Variants in RIMS1 observed in about 807,000 individuals in gnomAD.
The protein encoded by RIMS1 is regulating synaptic membrane exocytosis protein 1.
Under a neutral mutation model 214.1 loss-of-function variants are expected in RIMS1, and 83 were observed. That is an observed-to-expected ratio of 0.39 (90% confidence interval 0.32 to 0.47). The LOEUF (loss-of-function observed/expected upper bound fraction) is 0.47. Among genes scored for constraint, RIMS1 ranks in the 20% least tolerant of loss-of-function variants. The pLI, the probability that RIMS1 is intolerant of heterozygous loss-of-function variation, is 0.99. For synonymous variants in RIMS1, 793 were observed against 786.8 expected (o/e 1.01, Z -0.13); for missense variants, 2,050 against 2,161.8 (o/e 0.95, Z 1.03).
intron 6 of RIMS1, chr6:72,217,288 T>A (rs779323979): frequency 2.8e-6 from 4 of 1,450,330 alleles, no homozygotes; most frequent in South Asian, 2.5e-5. Context: ...AAAGTTAATG[T>A]AATTTATTGT....
intron 1 of RIMS1, among the ~76,000 whole-genome samples, chr6:71,934,275 G>A (rs1014954891): frequency 4.6e-5 from 7 of 152,276 alleles, no homozygotes; most frequent in Non-Finnish European, 7.4e-5. Context: ...TAGTCAGAGT[G>A]GTTTGAAAAC....
intron 2 of RIMS1, among the ~76,000 whole-genome samples, chr6:72,092,776 G>GCCCT (rs889708402): frequency 6.6e-6 from 1 of 152,082 alleles, no homozygotes; most frequent in African/African-American, 2.4e-5. Context: ...AGAACATGGT[G>GCCCT]CCCTGGTGGC....
At chr6:72,071,704 T>C (rs539529429) in intron 2 of RIMS1, among the ~76,000 whole-genome samples, 1 of 152,228 alleles carries the variant, frequency 6.6e-6, no homozygotes, top group East Asian at 1.9e-4. Context: ...TAAATAGAAG[T>C]ATAGAATATA....
intron 1 of RIMS1, among the ~76,000 whole-genome samples, chr6:71,894,437 C>A (rs1581939290): frequency 1.3e-5 from 2 of 148,956 alleles, no homozygotes; most frequent in South Asian, 4.2e-4. Flanking sequence ...CAGAGTGAGA[C>A]TCTGTCTGAA....
chr6:72,021,773 C>G (rs929728536), intron 2 of RIMS1, among the ~76,000 whole-genome samples: 1 of 152,120 alleles, frequency 6.6e-6, no homozygotes, highest in Non-Finnish European at 1.5e-5. Context: ...GGCTTTCATT[C>G]CCAAGTTTTC....
chr6:71,979,350 G>A (rs1274727853), intron 2 of RIMS1, among the ~76,000 whole-genome samples: 2 of 152,010 alleles, frequency 1.3e-5, no homozygotes, highest in South Asian at 2.1e-4. Flanking sequence ...TACTTGGCTG[G>A]CATATGGAAG....
rs557361050 is a variant in RIMS1, at chr6:72,140,432, TA to T, written c.472-39138del. ...AGGTATTTCAGTACATTTAGAATTT[TA>T]AAAATTCTTTAATATTTTCCCTGGT... is the stretch of plus-strand genomic sequence containing the variant. On this transcript the variant is annotated intron_variant, in intron 4 of 33. Coordinates refer to ENST00000521978, the MANE Select transcript of RIMS1 (RefSeq NM_014989.7). Among the ~76,000 whole-genome samples the T allele has an allele frequency of 5.5e-4, 83 of 152,240 alleles. 1 individual carries two copies. The highest frequency in any genetic ancestry group is 1.7e-3 in the African/African-American group (70 of 41,574).
Position 72,252,767 on chromosome 6 carries a change from A to G in RIMS1, c.2705A>G (p.Gln902Arg). 1.3e-6 allele frequency: 2 copies of G among 1,558,576 alleles called. No individual in the cohort carries two copies. Among genetic ancestry groups the G allele is most frequent in the Non-Finnish European group, 1.7e-6 (2 of 1,149,946 alleles). Residue 902 changes from glutamine (Q) to arginine (R), a missense_variant, in exon 16 of 34, where the codon CAG becomes CGG. Gln to Arg is a conservative substitution (Grantham distance 43). Transcript: ENST00000521978. ...TTGCCTTACTGTTGTGCAGGATCTC[A>G]GCGAATCAGTGATAGTGACATCTCA... The part of the protein sequence containing the change: ...ESSSKKLQRS[Q>R]RISDSDISDY...
chr6:71,996,785 G>A (rs2057022), intron 2 of RIMS1, among the ~76,000 whole-genome samples: 17,247 of 152,192 alleles, frequency 0.11, 1,191 homozygotes, highest in South Asian at 0.19. Context: ...CCATCATGCT[G>A]CTGGAGGAGC....
Position 72,067,422 on chromosome 6 carries a change from A to G in RIMS1, c.246-29527A>G, listed in dbSNP as rs1045499317. Among the ~76,000 whole-genome samples, 4 of 152,184 alleles carry G rather than the reference A, an allele frequency of 2.6e-5. No homozygotes were observed. The East Asian group carries it at 7.7e-4, about 29-fold the overall frequency. On this transcript the variant is annotated intron_variant, in intron 2 of 33. Transcript: ENST00000521978. ...CTACCTAGAATATTCTCCCTTAGATATTTGCATGACCTGTTGCCTCACCTT... is the reference window on the plus strand; with the variant it reads ...CTACCTAGAATATTCTCCCTTAGATGTTTGCATGACCTGTTGCCTCACCTT...
intron 2 of RIMS1, among the ~76,000 whole-genome samples, chr6:72,018,279 G>A (rs902163853): frequency 1.8e-4 from 28 of 152,184 alleles, no homozygotes; most frequent in African/African-American, 6.5e-4. Flanking sequence ...ATAAAATATG[G>A]AGTGTAAGGA....
At chr6:72,130,608 AT>A (rs2040285495) in intron 4 of RIMS1, among the ~76,000 whole-genome samples, 1 of 152,124 alleles carries the variant, frequency 6.6e-6, no homozygotes, top group Non-Finnish European at 1.5e-5. Context: ...GTTATTGGAA[AT>A]TTTTAGTTTA....
intron 26 of RIMS1, among the ~76,000 whole-genome samples, chr6:72,301,846 T>C (rs1038820364): frequency 1.3e-5 from 2 of 151,552 alleles, no homozygotes; most frequent in African/African-American, 4.8e-5. Flanking sequence ...CAGATGTTTT[T>C]TAAATTGGGA....
At chr6:72,102,435 A>G (rs957736462) in intron 4 of RIMS1, among the ~76,000 whole-genome samples, 2 of 152,112 alleles carry the variant, frequency 1.3e-5, no homozygotes, top group Admixed American at 6.6e-5. Context: ...CTACCTTTTA[A>G]GTATCACATA....
chr6:72,152,166 C>T (rs776800319), intron 4 of RIMS1, among the ~76,000 whole-genome samples: 4 of 152,190 alleles, frequency 2.6e-5, no homozygotes, highest in Non-Finnish European at 5.9e-5. Flanking sequence ...CAAACTATAT[C>T]ACATGGGTTG....
At chr6:71,956,004 T>A (rs1419533362) in intron 1 of RIMS1, among the ~76,000 whole-genome samples, 1 of 152,022 alleles carries the variant, frequency 6.6e-6, no homozygotes, top group Admixed American at 6.6e-5. Flanking sequence ...GGTAGAAAAG[T>A]TTTTCAATGA....
chr6:72,342,218 C>A (rs1478627967), intron 29 of RIMS1, among the ~76,000 whole-genome samples: 2 of 151,806 alleles, frequency 1.3e-5, no homozygotes, highest in Non-Finnish European at 2.9e-5. Flanking sequence ...CTGCCCACTC[C>A]ACTCTCCATT....
At position 72,182,479 on chromosome 6, in the gene RIMS1, G is replaced by GGGC. The variant is rs1455851994; in HGVS notation, c.1009_1011dup (p.Gly337dup). ...CAGACACGCCGGAAAAACGGGATGA[G>GGGC]GGCAAAGCGGCGGATGAGGAAAAGC... On this transcript the variant is annotated inframe_insertion, in exon 6 of 34. Coordinates refer to ENST00000521978, the MANE Select transcript of RIMS1 (RefSeq NM_014989.7). 2.5e-6 allele frequency: 4 copies of GGGC among 1,612,534 alleles called. No homozygotes were observed. The African/African-American group carries it at 5.3e-5, about 22-fold the overall frequency.
chr6:72,137,798 A>G (rs924432516), intron 4 of RIMS1, among the ~76,000 whole-genome samples: 6 of 141,818 alleles, frequency 4.2e-5, no homozygotes, highest in Admixed American at 2.3e-4. Flanking sequence ...GTGCAGTGGC[A>G]CGATCTCGGC....
Sources: allele counts gnomAD v4.1 joint callset (sites outside exome capture counted in the v4.1 genomes callset), GRCh38; gene constraint gnomAD v4.1.1; transcripts MANE v1.5; gene names NCBI Gene and HGNC (gene_info 2026-07-23, HGNC 2026-07-21).